The following KIAA0825 variants were observed in gnomAD, a reference collection of about 807,000 sequenced individuals.
KIAA0825 encodes uncharacterized protein KIAA0825.
Under a neutral mutation model 147.6 loss-of-function variants are expected in KIAA0825, and 119 were observed. That is an observed-to-expected ratio of 0.81 (90% CI 0.69 to 0.94). KIAA0825 has a LOEUF of 0.94. Among genes scored for constraint, KIAA0825 ranks in the 40% least tolerant of loss-of-function variants. KIAA0825 has a pLI of 0.00. For missense variants in KIAA0825, 1,381 were observed against 1,472.7 expected, an observed-to-expected ratio of 0.94 and a Z score of 1.02; for synonymous variants, 470 against 518.1, an observed-to-expected ratio of 0.91 and a Z score of 1.26.
At chr5:94,258,383 T>C (rs1776343664) in intron 20 of KIAA0825, among the ~76,000 whole-genome samples, 1 of 152,028 alleles carries the variant, frequency 6.6e-6, no homozygotes, top group Non-Finnish European at 1.5e-5. Context: ...TGAAGTCTTA[T>C]GCTTAGTTCT....
intron 20 of KIAA0825, among the ~76,000 whole-genome samples, chr5:94,263,732 T>G (rs893465723): frequency 1.3e-5 from 2 of 152,182 alleles, no homozygotes; most frequent in Non-Finnish European, 2.9e-5. Flanking sequence ...CAAATTGCTC[T>G]CTTTTTATGC....
At chr5:94,235,648 G>A (rs1280362738) in intron 20 of KIAA0825, among the ~76,000 whole-genome samples, 2 of 152,180 alleles carry the variant, frequency 1.3e-5, no homozygotes, top group East Asian at 1.9e-4. Flanking sequence ...GGAAGAAGAC[G>A]CCATTTAGGA....
chr5:94,330,688 A>T (rs1781174799), intron 20 of KIAA0825, among the ~76,000 whole-genome samples: 1 of 150,250 alleles, frequency 6.7e-6, no homozygotes, highest in Non-Finnish European at 1.5e-5. Context: ...AATGAAAAGA[A>T]TAGAAACCAA....
intron 14 of KIAA0825, among the ~76,000 whole-genome samples, chr5:94,422,944 C>T (rs1050419325): frequency 2.6e-5 from 4 of 152,152 alleles, no homozygotes; most frequent in Middle Eastern, 3.2e-3. Flanking sequence ...CTCATTTTCC[C>T]GGCACTAACA....
chr5:94,400,541 C>A (rs1208830742), intron 16 of KIAA0825, among the ~76,000 whole-genome samples: 1 of 152,074 alleles, frequency 6.6e-6, no homozygotes, highest in African/African-American at 2.4e-5. Flanking sequence ...CTCTAGAATT[C>A]ATTGTTTCCA....
intron 5 of KIAA0825, among the ~76,000 whole-genome samples, chr5:94,502,125 G>A (rs542146449): frequency 6.6e-6 from 1 of 152,198 alleles, no homozygotes; most frequent in South Asian, 2.1e-4. Context: ...GGATGGTAGG[G>A]TTAAGGGTAG....
chr5:94,341,479 T>C (rs567048498), intron 20 of KIAA0825, among the ~76,000 whole-genome samples: 6 of 152,300 alleles, frequency 3.9e-5, no homozygotes, highest in Admixed American at 3.3e-4. Flanking sequence ...TCAACGAATC[T>C]GAATCACGGA....
Position 94,537,075 on chromosome 5 carries a change from A to G in KIAA0825, c.52T>C (p.Leu18=). The G allele has an allele frequency of 6.2e-7, 1 of 1,610,810 alleles. No homozygotes were observed. Among genetic ancestry groups the G allele is most frequent in the Non-Finnish European group, 8.5e-7 (1 of 1,177,208 alleles). The change falls in exon 3 of 21, where the codon TTA becomes CTA. Residue 18 remains leucine, a synonymous_variant. Transcript: ENST00000682413. ...TCCAAGTCTCCAGGAAATGAGTTTA[A>G]CAAACAATGTAGGTCAAAAGAATTA... is the stretch of plus-strand genomic sequence containing the variant. ...SHNSFDLHCL[L]NSFPGDLEFE... is the part of the protein sequence containing the mutation.
At chr5:94,337,721 A>G (rs1781961089) in intron 20 of KIAA0825, among the ~76,000 whole-genome samples, 1 of 152,206 alleles carries the variant, frequency 6.6e-6, no homozygotes, top group African/African-American at 2.4e-5. Context: ...CAGAACTGAA[A>G]GAAGGCCATG....
At chr5:94,453,433 C>A (rs10061175) in intron 12 of KIAA0825, among the ~76,000 whole-genome samples, 1 of 151,256 alleles carries the variant, frequency 6.6e-6, no homozygotes, top group African/African-American at 2.4e-5. Flanking sequence ...GCAATCCACC[C>A]GCCTTGGCCT....
chr5:94,577,847 G>A (rs1218126158), intron 2 of KIAA0825, among the ~76,000 whole-genome samples: 1 of 151,996 alleles, frequency 6.6e-6, no homozygotes, highest in African/African-American at 2.4e-5. Flanking sequence ...TGACCAAATG[G>A]ACTCACATAC....
At chr5:94,169,305 G>T (rs1238246343) in intron 20 of KIAA0825, among the ~76,000 whole-genome samples, 1 of 152,132 alleles carries the variant, frequency 6.6e-6, no homozygotes, top group Non-Finnish European at 1.5e-5. Context: ...AAACTGGCAG[G>T]GTGCAATGGT....
chr5:94,537,930 C>T (rs1772420711), intron 2 of KIAA0825, among the ~76,000 whole-genome samples: 1 of 152,172 alleles, frequency 6.6e-6, no homozygotes, highest in Non-Finnish European at 1.5e-5. Context: ...TCTAGCACCC[C>T]TTGACAACCT....
chr5:94,563,324 C>T (rs570020727), intron 2 of KIAA0825, among the ~76,000 whole-genome samples: 15 of 151,076 alleles, frequency 9.9e-5, no homozygotes, highest in African/African-American at 3.6e-4. Flanking sequence ...CACCACTGCA[C>T]TCCAGCCTGG....
rs140100067 is a variant in KIAA0825, at chr5:94,593,655, T to C, written c.-152-11072A>G. 12 of 429,374 alleles carry C rather than the reference T, an allele frequency of 2.8e-5. No homozygotes were observed. The East Asian group carries it at 4.4e-4, about 16-fold the overall frequency. 26.6% of individuals were successfully genotyped at this position (429,374 alleles called of 1,614,324 possible). A position where few individuals can be genotyped will look rare whatever the true frequency, so the allele number is the denominator to read the frequency against. On this transcript the variant is annotated intron_variant, in intron 1 of 20. Coordinates refer to ENST00000682413, the MANE Select transcript of KIAA0825 (RefSeq NM_001145678.3). ...TGGTAGTGTTGGGAACAATGGAAGA[T>C]ATAGAAAGCAGAAATTCATGTCTGA... is the stretch of plus-strand genomic sequence containing the variant.
At chr5:94,267,394 A>G (rs933482633) in intron 20 of KIAA0825, among the ~76,000 whole-genome samples, 3 of 151,862 alleles carry the variant, frequency 2.0e-5, no homozygotes, top group Admixed American at 1.3e-4. Flanking sequence ...TGGTCTTCCT[A>G]AACTCCTTAA....
intron 2 of KIAA0825, among the ~76,000 whole-genome samples, chr5:94,554,672 G>A (rs1363717847): frequency 1.4e-5 from 2 of 139,006 alleles, no homozygotes; most frequent in Non-Finnish European, 1.5e-5. Context: ...GATAACAGCC[G>A]ACTCTTTTGT....
At position 94,540,508 on chromosome 5, in the gene KIAA0825, A is replaced by G. The variant is rs890158223; in HGVS notation, c.-1-3381T>C. On this transcript the variant is annotated intron_variant, in intron 2 of 20. Coordinates refer to ENST00000682413, the MANE Select transcript of KIAA0825 (RefSeq NM_001145678.3). ...CAATGGTGGCCCAGGTTCAGGGTCC[A>G]ATTCCCGCCTTAGGGAATGAGTCCT... 4.6e-5 allele frequency among the ~76,000 whole-genome samples: 7 copies of G among 152,240 alleles called. No individual in the cohort carries two copies. In the South Asian group the frequency reaches 6.2e-4, roughly 13 times the overall value.
chr5:94,568,055 C>T (rs1779063838), intron 2 of KIAA0825: 2 of 164,818 alleles, frequency 1.2e-5, no homozygotes, highest in African/African-American at 4.8e-5. Flanking sequence ...TACTTCAAGC[C>T]AATTAGGACT....
Sources: gnomAD v4.1 joint callset for allele counts (sites outside exome capture counted in the v4.1 genomes callset) on GRCh38, gnomAD v4.1.1 for gene constraint, MANE v1.5 for transcripts, NCBI Gene and HGNC (gene_info 2026-07-23, HGNC 2026-07-21) for gene names.